Variants in ZNF469 observed in about 807,000 individuals in gnomAD.
ZNF469 encodes the protein zinc finger protein 469.
ZNF469 carries 1 observed loss-of-function variant against 1.0 expected under a neutral mutation model. The ratio of observed to expected loss-of-function variants is 1.00; its 90% confidence interval spans 0.35 to 4.73. The LOEUF (loss-of-function observed/expected upper bound fraction) is 4.73. Ranked by LOEUF, ZNF469 falls within the 30% of genes most tolerant of loss-of-function variation. The pLI is 0.16. For missense variants in ZNF469, 6,100 were observed against 5,356.3 expected, an observed-to-expected ratio of 1.14 and a Z score of -4.33; for synonymous variants, 2,703 against 2,363.4, an observed-to-expected ratio of 1.14 and a Z score of -4.17.
the ZNF469 span, among the ~76,000 whole-genome samples, chr16:88,122,532 A>G: frequency 6.6e-5 from 10 of 151,608 alleles, no homozygotes; most frequent in Non-Finnish European, 1.0e-4. Context: ...GTCACTTGCT[A>G]TGGCCACGGC....
the ZNF469 span, among the ~76,000 whole-genome samples, chr16:88,153,792 G>A: frequency 3.3e-4 from 51 of 152,304 alleles, no homozygotes; most frequent in African/African-American, 1.2e-3. Flanking sequence ...CCTCCCCCAT[G>A]TCCTCACAGG....
rs1256206256 is a variant in ZNF469, at chr16:88,429,612, ACAC to A, written c.2146_2148del (p.His716del). 6.5e-5 allele frequency: 101 copies of A among 1,547,582 alleles called. No individual in the cohort carries two copies. The highest frequency in any genetic ancestry group is 1.7e-4 in the Middle Eastern group (1 of 6,010). ...CCCGTGCGCCGCCTCCGTACCCCACACACCACTTCTCCCTCAGCAGCGCCAGCC... is the reference window on the plus strand; with the variant it reads ...CCCGTGCGCCGCCTCCGTACCCCACACACTTCTCCCTCAGCAGCGCCAGCC... On this transcript the variant is annotated inframe_deletion, in exon 3 of 3. Transcript: ENST00000565624.
rs1158075109 is a variant in ZNF469 at position 88,432,845 on chromosome 16, C to T, written c.5375C>T (p.Ala1792Val). 1 of 1,550,366 alleles carries T rather than the reference C, an allele frequency of 6.5e-7. No individual in the cohort carries two copies. The highest frequency in any genetic ancestry group is 8.7e-7 in the Non-Finnish European group (1 of 1,146,986). Residue 1792 changes from alanine (A) to valine (V), a missense_variant, in exon 3 of 3, where the codon GCT (alanine) becomes GTT (valine). Transcript: ENST00000565624. ...TADQPHRGAP[A>V]PEAFGSPAVH... ...GACCAGCCCCACCGAGGGGCCCCTGCTCCAGAAGCTTTTGGCAGCCCTGCT... is the reference window on the plus strand; with the variant it reads ...GACCAGCCCCACCGAGGGGCCCCTGTTCCAGAAGCTTTTGGCAGCCCTGCT...
the ZNF469 span, among the ~76,000 whole-genome samples, chr16:88,346,296 C>T: frequency 3.2e-4 from 49 of 152,322 alleles, no homozygotes; most frequent in African/African-American, 9.9e-4. Context: ...CCTCTGCTGA[C>T]CACGAGGCCC....
chr16:88,372,270 C>T, the ZNF469 span, among the ~76,000 whole-genome samples: 130 of 79,584 alleles, frequency 1.6e-3, 1 homozygote, highest in Non-Finnish European at 2.0e-3. Context: ...TCGTCACCAT[C>T]ACCATCATCA....
the ZNF469 span, among the ~76,000 whole-genome samples, chr16:88,204,736 G>A: frequency 6.6e-6 from 1 of 152,230 alleles, no homozygotes; most frequent in African/African-American, 2.4e-5. Flanking sequence ...GGTCTCAAAT[G>A]ACTTTGCTTG....
At chr16:88,177,306 A>G in the ZNF469 span, 1 of 152,140 alleles carries the variant, frequency 6.6e-6, no homozygotes, top group Admixed American at 6.5e-5. The surrounding 1 kb of genome is among the most constrained non-coding windows in gnomAD (Gnocchi z 4.8). Context: ...CAGCAAATTC[A>G]AATGCTATTT....
chr16:88,321,729 T>C, the ZNF469 span, among the ~76,000 whole-genome samples: 9 of 151,758 alleles, frequency 5.9e-5, no homozygotes, highest in African/African-American at 9.7e-5. Context: ...TGATTGGACA[T>C]GACCCTTGGC....
the ZNF469 span, among the ~76,000 whole-genome samples, chr16:88,361,368 C>G: frequency 6.6e-6 from 1 of 152,222 alleles, no homozygotes; most frequent in East Asian, 1.9e-4. Flanking sequence ...AGGAAGCACA[C>G]ACTGTATGAT....
At chr16:88,393,933 C>T (rs1179609092) in intron 1 of ZNF469, among the ~76,000 whole-genome samples, 1 of 152,222 alleles carries the variant, frequency 6.6e-6, no homozygotes, top group Non-Finnish European at 1.5e-5. Context: ...AGGAGGGGCT[C>T]ATGCTACACC....
At position 88,434,631 on chromosome 16, in the gene ZNF469, C is replaced by T; in HGVS notation, c.7161C>T (p.Arg2387=). Residue 2387 remains arginine (R), a synonymous_variant, in exon 3 of 3, where the codon CGC becomes CGT. Transcript: ENST00000565624. The part of the protein sequence containing the change: ...PEDPGTPETG[R]SGATKMPRVT... ...ACCCAGGGACCCCTGAGACCGGGCG[C>T]TCTGGTGCTACCAAGATGCCCAGGG... 6.5e-7 allele frequency: 1 copy of T among 1,550,322 alleles called. No individual in the cohort carries two copies. The highest frequency in any genetic ancestry group is 8.7e-7 in the Non-Finnish European group (1 of 1,146,934).
chr16:88,287,977 A>C, the ZNF469 span, among the ~76,000 whole-genome samples: 1 of 151,782 alleles, frequency 6.6e-6, no homozygotes, highest in African/African-American at 2.4e-5. Flanking sequence ...TTTTCTGTGC[A>C]CTTATTAATT....
chr16:88,213,389 G>A, the ZNF469 span, among the ~76,000 whole-genome samples: 258 of 152,248 alleles, frequency 1.7e-3, 2 homozygotes, highest in African/African-American at 5.8e-3. Flanking sequence ...ATGAGCCACC[G>A]CGCCCGGCCT....
the ZNF469 span, among the ~76,000 whole-genome samples, chr16:88,250,848 G>C: frequency 6.6e-6 from 1 of 152,018 alleles, no homozygotes; most frequent in Non-Finnish European, 1.5e-5. Flanking sequence ...ACTTTGTTGA[G>C]GCTTCCTACC....
At chr16:88,313,704 G>T in the ZNF469 span, among the ~76,000 whole-genome samples, 80 of 152,306 alleles carry the variant, frequency 5.3e-4, 1 homozygote, top group South Asian at 0.016. Context: ...TGTCATCTCT[G>T]TAATTCAGGC....
chr16:88,342,786 G>A, the ZNF469 span, among the ~76,000 whole-genome samples: 6 of 152,240 alleles, frequency 3.9e-5, no homozygotes, highest in Admixed American at 6.5e-5. Context: ...TCTAGCAGCC[G>A]CCTGATGCCA....
the ZNF469 span, among the ~76,000 whole-genome samples, chr16:88,309,486 T>G: frequency 5.7e-5 from 8 of 141,256 alleles, no homozygotes; most frequent in East Asian, 1.9e-3. Flanking sequence ...CTCTCGGTGT[T>G]CAGGACACCT....
At chr16:88,179,814 T>C in the ZNF469 span, among the ~76,000 whole-genome samples, 1 of 152,296 alleles carries the variant, frequency 6.6e-6, no homozygotes, top group African/African-American at 2.4e-5. Context: ...GAAAAGTGTA[T>C]TGTGGGGTTT....
the ZNF469 span, among the ~76,000 whole-genome samples, chr16:88,202,723 G>A: frequency 2.0e-5 from 3 of 152,190 alleles, no homozygotes; most frequent in East Asian, 1.9e-4. Flanking sequence ...ACTCCTCACC[G>A]TGTGCTGCAT....
Sources: allele counts gnomAD v4.1 joint callset (sites outside exome capture counted in the v4.1 genomes callset), GRCh38; gene constraint gnomAD v4.1.1; non-coding constraint Gnocchi (gnomAD v3.1); transcripts MANE v1.5; gene names NCBI Gene and HGNC (gene_info 2026-07-23, HGNC 2026-07-21).